SPATA13: variants seen among roughly 807,000 people sequenced by gnomAD.
SPATA13 encodes spermatogenesis associated 13, also known as spermatogenesis-associated protein 13.
Under a neutral mutation model 104.0 loss-of-function variants are expected in SPATA13, and 50 were observed. That is an observed-to-expected ratio of 0.48 (90% CI 0.38 to 0.61). The LOEUF (loss-of-function observed/expected upper bound fraction) is 0.61. SPATA13 is among the 20% of genes least tolerant of loss of function. The probability of loss-of-function intolerance (pLI) is 0.00; values close to 1 mark genes in which losing one functional copy is unlikely to be tolerated. For missense variants in SPATA13, 1,524 were observed against 1,690.6 expected, an observed-to-expected ratio of 0.90 and a Z score of 1.73; for synonymous variants, 606 against 667.5, an observed-to-expected ratio of 0.91 and a Z score of 1.42.
At chr13:23,989,833 C>CTCAGAAAA (rs1164676872) in intron 2 of SPATA13, among the ~76,000 whole-genome samples, 3 of 152,124 alleles carry the variant, frequency 2.0e-5, no homozygotes, top group Non-Finnish European at 4.4e-5. Flanking sequence ...GGTTGGTGCC[C>CTCAGAAAA]TCAGAAAAGA....
Position 24,196,396 on chromosome 13 carries a change from A to T in SPATA13, c.-111-26423A>T, listed in dbSNP as rs191344657. ...AATACCTATTTTTAGTATGTAATAA[A>T]GCCTTAAATTATATAACATTCAATA... On this transcript the variant is annotated intron_variant, in intron 1 of 12. Transcript: ENST00000382108. Among the ~76,000 whole-genome samples the T allele has an allele frequency of 3.4e-3, 513 of 152,336 alleles. 6 individuals carry two copies. Among genetic ancestry groups the T allele is most frequent in the African/African-American group, 0.011 (474 of 41,578 alleles).
chr13:24,216,896 C>T (rs886383701), intron 1 of SPATA13, among the ~76,000 whole-genome samples: 19 of 151,962 alleles, frequency 1.3e-4, no homozygotes, highest in Admixed American at 1.0e-3. Context: ...ACTAAAAATA[C>T]AAAAATTAGT....
intron 3 of SPATA13, among the ~76,000 whole-genome samples, chr13:24,114,669 T>A: frequency 6.6e-6 from 1 of 151,964 alleles, no homozygotes; most frequent in Non-Finnish European, 1.5e-5. Flanking sequence ...TGTTGTTGTT[T>A]TTGTTGTTTT....
chr13:24,129,883 G>A (rs1156491819), intron 3 of SPATA13, among the ~76,000 whole-genome samples: 1 of 152,170 alleles, frequency 6.6e-6, no homozygotes, highest in Non-Finnish European at 1.5e-5. Context: ...CAAGGGTGGG[G>A]GATTAATAAC....
At chr13:24,281,843 C>T (rs751256759) in intron 4 of SPATA13, among the ~76,000 whole-genome samples, 8 of 152,170 alleles carry the variant, frequency 5.3e-5, no homozygotes, top group Admixed American at 1.3e-4. Context: ...GCTGGCAGCA[C>T]GTGCACACCT....
At position 24,223,577 on chromosome 13, in the gene SPATA13, T is replaced by C. The variant is rs951352010; in HGVS notation, c.648T>C (p.Asp216=). ...AYGLGRICLL[D]APQNHATPTI... Reference sequence around the variant, plus strand: ...GCCTGGGCCGCATCTGCCTGCTGGATGCGCCCCAGAACCATGCGACACCCA... The same window carrying C: ...GCCTGGGCCGCATCTGCCTGCTGGACGCGCCCCAGAACCATGCGACACCCA... The change falls in exon 2 of 13, where the codon GAT becomes GAC. Residue 216 remains aspartate (D), a synonymous_variant. Coordinates refer to ENST00000382108, the MANE Select transcript of SPATA13 (RefSeq NM_001166271.3). The C allele has an allele frequency of 6.5e-7, 1 of 1,550,172 alleles. No homozygotes were observed. Among genetic ancestry groups the C allele is most frequent in the Admixed American group, 2.0e-5 (1 of 50,998 alleles).
intron 4 of SPATA13, among the ~76,000 whole-genome samples, chr13:24,282,274 A>G (rs1338322290): frequency 6.6e-6 from 1 of 152,234 alleles, no homozygotes; most frequent in African/African-American, 2.4e-5. Flanking sequence ...TGATCCGAAT[A>G]TAAAACATCT....
chr13:24,012,848 C>T (rs1876536901), intron 2 of SPATA13, among the ~76,000 whole-genome samples: 2 of 152,208 alleles, frequency 1.3e-5, no homozygotes, highest in South Asian at 4.1e-4. Flanking sequence ...GTTTATGCGT[C>T]TGCAGGTCGG....
At chr13:24,199,320 G>C (rs1314699634) in intron 1 of SPATA13, among the ~76,000 whole-genome samples, 2 of 152,238 alleles carry the variant, frequency 1.3e-5, no homozygotes, top group Non-Finnish European at 2.9e-5. Flanking sequence ...AATCTTGCTA[G>C]ATGGCCTGTT....
intron 2 of SPATA13, among the ~76,000 whole-genome samples, chr13:24,005,699 C>T (rs1395158688): frequency 6.6e-6 from 1 of 152,102 alleles, no homozygotes; most frequent in Non-Finnish European, 1.5e-5. Context: ...TGTAAAGGGT[C>T]AGAGAACACA....
intron 1 of SPATA13, among the ~76,000 whole-genome samples, chr13:24,165,916 A>G (rs1405265988): frequency 6.6e-6 from 1 of 152,240 alleles, no homozygotes; most frequent in African/African-American, 2.4e-5. Context: ...CAACTTGCAC[A>G]TGTACTTTTA....
intron 1 of SPATA13, among the ~76,000 whole-genome samples, chr13:23,982,937 C>G (rs1226267916): frequency 6.6e-6 from 1 of 152,198 alleles, no homozygotes; most frequent in Non-Finnish European, 1.5e-5. Context: ...CAAGGCTGCT[C>G]TGCCGTCTGG....
chr13:23,994,060 T>G (rs1426281790), intron 2 of SPATA13, among the ~76,000 whole-genome samples: 1 of 151,590 alleles, frequency 6.6e-6, no homozygotes, highest in African/African-American at 2.4e-5. Context: ...TGCCACGCAT[T>G]GGCGTCACAG....
chr13:24,034,269 A>G (rs1877598823), intron 3 of SPATA13: 1 of 152,196 alleles, frequency 6.6e-6, no homozygotes, highest in South Asian at 2.1e-4. Context: ...GTATAACCTG[A>G]TAATCTCCTT....
intron 4 of SPATA13, chr13:24,278,625 G>A (rs954081704): frequency 2.0e-6 from 3 of 1,468,306 alleles, no homozygotes; most frequent in Non-Finnish European, 2.7e-6. Context: ...GTGCTTTCAT[G>A]TATCATCATT....
chr13:24,269,175 G>A (rs1874432367), intron 4 of SPATA13, among the ~76,000 whole-genome samples: 1 of 152,126 alleles, frequency 6.6e-6, no homozygotes, highest in Non-Finnish European at 1.5e-5. Flanking sequence ...AATTCTGTGA[G>A]GATTATTGAT....
chr13:24,250,783 G>A (rs1443763252), intron 3 of SPATA13, among the ~76,000 whole-genome samples: 5 of 152,192 alleles, frequency 3.3e-5, no homozygotes, highest in Non-Finnish European at 5.9e-5. Flanking sequence ...AGAACCTTTT[G>A]TCTGAAGGTG....
chr13:24,115,955 A>C (rs529783318), intron 3 of SPATA13, among the ~76,000 whole-genome samples: 1 of 152,204 alleles, frequency 6.6e-6, no homozygotes, highest in African/African-American at 2.4e-5. Context: ...CAGGTGACTC[A>C]GGAGAGGACA....
At chr13:24,028,562 A>T (rs560054582) in intron 3 of SPATA13, among the ~76,000 whole-genome samples, 1 of 152,226 alleles carries the variant, frequency 6.6e-6, no homozygotes, top group Admixed American at 6.5e-5. Flanking sequence ...GGCATTCTTC[A>T]GTTTTTTAGT....
Sources: allele counts gnomAD v4.1 joint callset (sites outside exome capture counted in the v4.1 genomes callset), GRCh38; gene constraint gnomAD v4.1.1; transcripts MANE v1.5; gene names NCBI Gene and HGNC (gene_info 2026-07-23, HGNC 2026-07-21).